SRPK1: variants seen among roughly 807,000 people sequenced by gnomAD.
SRPK1 encodes the protein SRSF protein kinase 1, also known as SFRS protein kinase 1.
In SRPK1, 52 loss-of-function variants were observed where a neutral mutation model predicts 89.5. The ratio of observed to expected loss-of-function variants is 0.58; its 90% CI spans 0.46 to 0.73. The LOEUF is 0.73. Among genes scored for constraint, SRPK1 ranks in the 30% least tolerant of loss-of-function variants. The pLI, the probability that SRPK1 is intolerant of heterozygous loss-of-function variation, is 0.00. For synonymous variants in SRPK1, 255 were observed against 270.2 expected (o/e 0.94, Z 0.55); for missense variants, 603 against 780.6 (o/e 0.77, Z 2.71).
intron 2 of SRPK1, among the ~76,000 whole-genome samples, chr6:35,898,299 A>T (rs1360705700): frequency 6.6e-6 from 1 of 152,230 alleles, no homozygotes; most frequent in East Asian, 1.9e-4. Context: ...GTATGTTCTC[A>T]CTTATAAGTG....
At chr6:35,917,555 A>G (rs1241084288) in intron 2 of SRPK1, among the ~76,000 whole-genome samples, 2 of 152,238 alleles carry the variant, frequency 1.3e-5, no homozygotes, top group Non-Finnish European at 2.9e-5. Flanking sequence ...TCCCAAAGTC[A>G]AATACTCCAG....
chr6:35,870,302 T>C lies in SRPK1; in HGVS notation c.970A>G (p.Lys324Glu), dbSNP rs1770002602. ...ATACCAAGTTTTTCTTGGGTCATTTTATTAGGTGGGTTCTCTTTCAAGGGT... is the reference window on the plus strand; with the variant it reads ...ATACCAAGTTTTTCTTGGGTCATTTCATTAGGTGGGTTCTCTTTCAAGGGT... ...ERPLKENPPN[K>E]MTQEKLEESS... Residue 324 changes from lysine (K) to glutamate (E), a missense_variant, in exon 10 of 16, where the codon AAA becomes GAA. Lys to Glu is a moderately conservative substitution (Grantham distance 56). Coordinates refer to ENST00000373825, the MANE Select transcript of SRPK1 (RefSeq NM_003137.5). 1 of 1,612,540 alleles carries C rather than the reference T, an allele frequency of 6.2e-7. No homozygotes were observed. The highest frequency in any genetic ancestry group is 1.1e-5 in the South Asian group (1 of 90,610).
At chr6:35,847,654 AAC>A (rs1769454289) in intron 13 of SRPK1, among the ~76,000 whole-genome samples, 1 of 152,190 alleles carries the variant, frequency 6.6e-6, no homozygotes, top group Admixed American at 6.6e-5. Flanking sequence ...CTGAAAAATA[AAC>A]CAAGAGAACA....
chr6:35,882,971 G>A (rs769669420), intron 6 of SRPK1, among the ~76,000 whole-genome samples: 5 of 152,088 alleles, frequency 3.3e-5, no homozygotes, highest in African/African-American at 2.4e-5. Context: ...ACCACGCCTC[G>A]CTAATTTTTG....
At chr6:35,886,574 T>C in intron 6 of SRPK1, 150 bp downstream of exon 6, 1 of 618,982 alleles carries the variant, frequency 1.6e-6, no homozygotes, top group Non-Finnish European at 2.9e-6. Context: ...TTAGACAAAA[T>C]TCAGATGTGT....
intron 6 of SRPK1, among the ~76,000 whole-genome samples, chr6:35,877,838 G>A (rs895345096): frequency 2.2e-4 from 29 of 131,680 alleles, no homozygotes; most frequent in Admixed American, 6.1e-4. Context: ...CACTGACTCC[G>A]TCTCAAAAAA....
rs1769127432 is a variant in SRPK1, at chr6:35,834,300, A to C, written c.*1004T>G. 6.6e-6 allele frequency: 1 copy of C among 152,466 alleles called. No homozygotes were observed. The highest frequency in any genetic ancestry group is 1.5e-5 in the Non-Finnish European group (1 of 68,024). The allele number at this position is 152,466 out of a possible 1,614,324, so 9.4% of individuals were successfully genotyped here. On this transcript the variant is annotated 3_prime_UTR_variant, in exon 16 of 16. Transcript: ENST00000373825. ...CAAAGCCATAGAGGAAAACTGCTTC[A>C]AGGCCAGAATTTTGGGTAAGGTAAA...
chr6:35,914,657 T>C (rs1337325650), intron 2 of SRPK1, among the ~76,000 whole-genome samples: 2 of 152,196 alleles, frequency 1.3e-5, no homozygotes, highest in Non-Finnish European at 2.9e-5. Context: ...TATTCTGTCT[T>C]TCCTCCCACT....
At chr6:35,862,015 C>T (rs1769792993) in intron 12 of SRPK1, among the ~76,000 whole-genome samples, 2 of 152,188 alleles carry the variant, frequency 1.3e-5, no homozygotes. Flanking sequence ...AAAATACCCA[C>T]TGCCCTGCTA....
chr6:35,856,274 T>C (rs1769664431), intron 13 of SRPK1, among the ~76,000 whole-genome samples: 1 of 151,824 alleles, frequency 6.6e-6, no homozygotes, highest in Non-Finnish European at 1.5e-5. Flanking sequence ...GTGAAAGTCC[T>C]GAGGACACAG....
chr6:35,920,155 G>A (rs1397609002), intron 2 of SRPK1: 7 of 516,974 alleles, frequency 1.4e-5, no homozygotes, highest in Admixed American at 2.3e-5. Flanking sequence ...TACCAGCTCC[G>A]GTGGGGAGGT....
At chr6:35,878,440 G>C (rs1171501644) in intron 6 of SRPK1, among the ~76,000 whole-genome samples, 2 of 152,154 alleles carry the variant, frequency 1.3e-5, no homozygotes, top group Non-Finnish European at 2.9e-5. Context: ...GGCAGAATCT[G>C]TCTAATGTGA....
At chr6:35,874,832 C>G (rs1770119497) in intron 6 of SRPK1, among the ~76,000 whole-genome samples, 1 of 152,124 alleles carries the variant, frequency 6.6e-6, no homozygotes, top group Admixed American at 6.5e-5. Context: ...TAAATGCCAA[C>G]ATTTTTTTTT....
chr6:35,858,436 G>A (rs1483460045), intron 12 of SRPK1, among the ~76,000 whole-genome samples: 1 of 152,136 alleles, frequency 6.6e-6, no homozygotes, highest in African/African-American at 2.4e-5. Context: ...AACAGGCTGA[G>A]TGAGGCATAT....
chr6:35,880,412 G>A (rs1770246875), intron 6 of SRPK1, among the ~76,000 whole-genome samples: 1 of 152,012 alleles, frequency 6.6e-6, no homozygotes, highest in South Asian at 2.1e-4. Flanking sequence ...TATACACTGT[G>A]GCAGTCCCAG....
chr6:35,863,299 T>C (rs769153125), intron 12 of SRPK1, among the ~76,000 whole-genome samples: 19 of 149,868 alleles, frequency 1.3e-4, no homozygotes, highest in Non-Finnish European at 2.7e-4. Context: ...TATAAGGAAA[T>C]AAAAAAAATT....
chr6:35,910,573 G>A (rs1304626044), intron 2 of SRPK1, among the ~76,000 whole-genome samples: 1 of 152,188 alleles, frequency 6.6e-6, no homozygotes, highest in African/African-American at 2.4e-5. Flanking sequence ...GATGAAGGTG[G>A]CTATACTAAA....
intron 12 of SRPK1, among the ~76,000 whole-genome samples, chr6:35,865,314 T>C (rs1420366366): frequency 6.6e-6 from 1 of 152,064 alleles, no homozygotes; most frequent in African/African-American, 2.4e-5. Flanking sequence ...TACATACACC[T>C]ACTATGTACC....
intron 12 of SRPK1, among the ~76,000 whole-genome samples, chr6:35,858,172 C>T (rs1769704528): frequency 1.3e-5 from 2 of 152,060 alleles, no homozygotes; most frequent in African/African-American, 4.8e-5. Context: ...ATTTATTATA[C>T]TAGTGTCACC....
Sources: allele counts gnomAD v4.1 joint callset (sites outside exome capture counted in the v4.1 genomes callset), GRCh38; gene constraint gnomAD v4.1.1; transcripts MANE v1.5; gene names NCBI Gene and HGNC (gene_info 2026-07-23, HGNC 2026-07-21).